The following PRELID2 variants were observed in gnomAD, a reference collection of about 807,000 sequenced individuals.
PRELID2 encodes the protein PRELI domain-containing protein 2.
A neutral mutation model predicts 28.4 loss-of-function variants in PRELID2; 25 were observed. The ratio of observed to expected loss-of-function variants is 0.88; its 90% CI spans 0.64 to 1.23. PRELID2 has a LOEUF of 1.23. Among genes scored for constraint, PRELID2 ranks in the 50% most tolerant of loss-of-function variants. The probability of loss-of-function intolerance (pLI) is 0.00; values close to 1 mark genes in which losing one functional copy is unlikely to be tolerated. For synonymous variants in PRELID2, 76 were observed against 71.6 expected (o/e 1.06, Z -0.31); for missense variants, 201 against 214.4 (o/e 0.94, Z 0.39).
chr5:145,614,948 A>G (rs1753672666), intron 1 of PRELID2, among the ~76,000 whole-genome samples: 1 of 152,004 alleles, frequency 6.6e-6, no homozygotes, highest in Non-Finnish European at 1.5e-5. Context: ...GTTTAAATCC[A>G]TTGTTTCTTT....
chr5:145,342,996 C>T, the PRELID2 span, among the ~76,000 whole-genome samples: 3 of 150,302 alleles, frequency 2.0e-5, no homozygotes, highest in Non-Finnish European at 4.4e-5. Flanking sequence ...ATGCATCCAA[C>T]ACTAGAATAC....
intron 1 of PRELID2, among the ~76,000 whole-genome samples, chr5:145,506,407 T>G (rs1346116649): frequency 6.6e-6 from 1 of 152,180 alleles, no homozygotes; most frequent in Non-Finnish European, 1.5e-5. Context: ...GTTCTAGATT[T>G]GCAAGGACCA....
At chr5:145,807,872 G>A (rs1006488433) in intron 4 of PRELID2, among the ~76,000 whole-genome samples, 9 of 152,106 alleles carry the variant, frequency 5.9e-5, no homozygotes, top group African/African-American at 2.2e-4. Flanking sequence ...TGACCTCAGT[G>A]CACAGCCACC....
intron 1 of PRELID2, among the ~76,000 whole-genome samples, chr5:145,617,523 A>T (rs1753715685): frequency 6.6e-6 from 1 of 152,154 alleles, no homozygotes; most frequent in African/African-American, 2.4e-5. Context: ...TTATCGTAAT[A>T]CCAGACATCT....
chr5:145,590,411 T>C (rs1260733950), intron 1 of PRELID2, among the ~76,000 whole-genome samples: 1 of 152,220 alleles, frequency 6.6e-6, no homozygotes, highest in Admixed American at 6.5e-5. Context: ...TGTATGTGTT[T>C]GCTTATTTAT....
chr5:145,726,342 G>T (rs1467433669), intron 1 of PRELID2, among the ~76,000 whole-genome samples: 1 of 149,368 alleles, frequency 6.7e-6, no homozygotes, highest in Non-Finnish European at 1.5e-5. Flanking sequence ...AGAAAGAAAA[G>T]GGAAAGAAAG....
At chr5:145,358,113 A>T in the PRELID2 span, among the ~76,000 whole-genome samples, 1 of 152,054 alleles carries the variant, frequency 6.6e-6, no homozygotes, top group African/African-American at 2.4e-5. Flanking sequence ...TGCAGTTGGC[A>T]GACAGGCCAT....
At chr5:145,355,537 T>G in the PRELID2 span, among the ~76,000 whole-genome samples, 2 of 152,124 alleles carry the variant, frequency 1.3e-5, no homozygotes, top group Non-Finnish European at 2.9e-5. Context: ...TCTTAGAAAT[T>G]TACAGTTTAC....
chr5:145,367,022 T>C, the PRELID2 span, among the ~76,000 whole-genome samples: 1 of 151,992 alleles, frequency 6.6e-6, no homozygotes, highest in Middle Eastern at 3.4e-3. Flanking sequence ...CTAGCATTTT[T>C]TCCCTCATCT....
chr5:145,404,823 AG>A, the PRELID2 span, among the ~76,000 whole-genome samples: 3 of 152,208 alleles, frequency 2.0e-5, no homozygotes, highest in Admixed American at 2.0e-4. Flanking sequence ...AATGTAGAGG[AG>A]GCTCAAGGCA....
At chr5:145,291,495 C>T in the PRELID2 span, among the ~76,000 whole-genome samples, 203 of 152,076 alleles carry the variant, frequency 1.3e-3, no homozygotes, top group African/African-American at 4.7e-3. Flanking sequence ...AGCTTCAGAG[C>T]GAGGATAGGA....
At chr5:145,283,628 T>C in the PRELID2 span, among the ~76,000 whole-genome samples, 1 of 152,308 alleles carries the variant, frequency 6.6e-6, no homozygotes, top group Admixed American at 6.5e-5. Flanking sequence ...GGAAGTCTGA[T>C]TTAGCAAAAC....
At chr5:145,336,469 T>C in the PRELID2 span, among the ~76,000 whole-genome samples, 2 of 151,836 alleles carry the variant, frequency 1.3e-5, no homozygotes, top group African/African-American at 4.8e-5. Context: ...AAGGAAGGGA[T>C]CCAGTTTCAG....
intron 1 of PRELID2, among the ~76,000 whole-genome samples, chr5:145,677,624 C>A (rs974865716): frequency 6.6e-6 from 1 of 152,148 alleles, no homozygotes; most frequent in African/African-American, 2.4e-5. Flanking sequence ...GTGACATATT[C>A]ATCTAAACAG....
chr5:145,783,064 G>C (rs1230237452), intron 5 of PRELID2, among the ~76,000 whole-genome samples: 1 of 152,200 alleles, frequency 6.6e-6, no homozygotes, highest in African/African-American at 2.4e-5. Context: ...GTGTGGAGAG[G>C]CCCTTTCTCC....
At chr5:145,532,423 T>C (rs991481077) in intron 1 of PRELID2, among the ~76,000 whole-genome samples, 1 of 152,154 alleles carries the variant, frequency 6.6e-6, no homozygotes, top group Non-Finnish European at 1.5e-5. Flanking sequence ...AGAATGACTA[T>C]ATCAAGCTCA....
At chr5:145,337,702 T>G in the PRELID2 span, among the ~76,000 whole-genome samples, 19 of 33,632 alleles carry the variant, frequency 5.6e-4, no homozygotes, top group African/African-American at 2.5e-3. Context: ...TATATATATA[T>G]ATATATATAT....
chr5:145,610,464 A>T (rs1381529454), intron 1 of PRELID2, among the ~76,000 whole-genome samples: 1 of 99,432 alleles, frequency 1.0e-5, no homozygotes, highest in Admixed American at 1.2e-4. Flanking sequence ...TTCTCAATTT[A>T]AAAAAAAAAA....
chr5:145,607,678 A>G (rs1580998851), intron 1 of PRELID2, among the ~76,000 whole-genome samples: 1 of 152,060 alleles, frequency 6.6e-6, no homozygotes, highest in African/African-American at 2.4e-5. Context: ...GATCATTTTT[A>G]GAGTGTATGC....
Sources: gnomAD v4.1 joint callset for allele counts (sites outside exome capture counted in the v4.1 genomes callset) on GRCh38, gnomAD v4.1.1 for gene constraint, MANE v1.5 for transcripts, NCBI Gene and HGNC (gene_info 2026-07-23, HGNC 2026-07-21) for gene names.